Variants in DOCK9 observed in about 807,000 individuals in gnomAD.
DOCK9 encodes dedicator of cytokinesis 9.
Under a neutral mutation model 263.3 loss-of-function variants are expected in DOCK9, and 89 were observed. The observed-to-expected ratio is 0.34, with a 90% CI of 0.28 to 0.40. The LOEUF (loss-of-function observed/expected upper bound fraction) is 0.40. DOCK9 is among the 10% of genes least tolerant of loss of function. DOCK9 has a pLI of 1.00. For missense variants in DOCK9, 2,140 were observed against 2,603.4 expected (o/e 0.82, Z 3.87); for synonymous variants, 976 against 973.1 (o/e 1.00, Z -0.06).
chr13:98,854,623 T>A (rs2093657873), intron 34 of DOCK9: 1 of 152,160 alleles, frequency 6.6e-6, no homozygotes, highest in South Asian at 2.1e-4. Context: ...AAAGGTGGAA[T>A]CATTAGAAGG....
intron 1 of DOCK9, among the ~76,000 whole-genome samples, chr13:99,015,267 G>C (rs1485211173): frequency 1.3e-5 from 2 of 152,120 alleles, no homozygotes; most frequent in African/African-American, 4.8e-5. Context: ...TGAATACATG[G>C]CATTCTCACA....
At chr13:98,922,337 C>T (rs748923965) in intron 5 of DOCK9, among the ~76,000 whole-genome samples, 191 bp from the exon 6 acceptor site, 1 of 152,188 alleles carries the variant, frequency 6.6e-6, no homozygotes, top group Non-Finnish European at 1.5e-5. Context: ...AGAGACCCGC[C>T]TACATTTCTG....
chr13:98,882,618 C>A (rs2044988050), intron 23 of DOCK9, among the ~76,000 whole-genome samples: 1 of 148,338 alleles, frequency 6.7e-6, no homozygotes, highest in Non-Finnish European at 1.5e-5. Context: ...AAAGCTGGGA[C>A]TGGTTCTGTG....
chr13:98,882,244 G>A (rs2044896385), intron 23 of DOCK9, among the ~76,000 whole-genome samples: 1 of 152,036 alleles, frequency 6.6e-6, no homozygotes, highest in Admixed American at 6.5e-5. Context: ...TTATCCAGGT[G>A]TGCCCATGGA....
At chr13:99,072,834 C>CA (rs1209532632) in intron 1 of DOCK9, among the ~76,000 whole-genome samples, 1 of 151,954 alleles carries the variant, frequency 6.6e-6, no homozygotes. Context: ...TCCATCTCTA[C>CA]AAAAAATACA....
In DOCK9 at chr13:98,825,822, C is replaced by T. The variant is rs555742838; in HGVS notation, c.5023+1008G>A. On this transcript the variant is annotated intron_variant, in intron 44 of 52. Coordinates refer to ENST00000682017, the MANE Select transcript of DOCK9 (RefSeq NM_001366683.2). The surrounding 1 kb of genome is among the most constrained non-coding windows in gnomAD (Gnocchi z 4.1). Reference sequence around the variant, plus strand: ...GCAAATCCCCCACCACGGGAGGGCACGTGACCAGGGCAGGGGGTCCCCGGG... The same window carrying T: ...GCAAATCCCCCACCACGGGAGGGCATGTGACCAGGGCAGGGGGTCCCCGGG... 6.1e-6 allele frequency: 8 copies of T among 1,303,448 alleles called. No homozygotes were observed. The highest frequency in any genetic ancestry group is 6.4e-5 in the Admixed American group (2 of 31,164). 80.7% of individuals were successfully genotyped at this position (1,303,448 alleles called of 1,614,324 possible). A position where few individuals can be genotyped will look rare whatever the true frequency, so the allele number is the denominator to read the frequency against.
intron 45 of DOCK9, among the ~76,000 whole-genome samples, chr13:98,813,541 C>T (rs1473456761): frequency 2.6e-5 from 4 of 152,140 alleles, no homozygotes; most frequent in Non-Finnish European, 5.9e-5. Flanking sequence ...AATGCAGAGC[C>T]AGCTATGCAC....
At chr13:99,078,724 A>G (rs7991995) in intron 1 of DOCK9, among the ~76,000 whole-genome samples, 5,708 of 152,350 alleles carry the variant, frequency 0.037, 132 homozygotes, top group Middle Eastern at 0.1. Flanking sequence ...CAGAAGCTCA[A>G]ATATACAACA....
At chr13:98,974,535 G>C (rs2060029703) in intron 1 of DOCK9, among the ~76,000 whole-genome samples, 1 of 151,784 alleles carries the variant, frequency 6.6e-6, no homozygotes, top group Non-Finnish European at 1.5e-5. Flanking sequence ...GGATCACCTG[G>C]GGTCAGGAGT....
rs1426815803 is a variant in DOCK9 at position 98,800,477 on chromosome 13, G to A, written c.5727C>T (p.Ala1909=). Residue 1909 remains alanine (A), a splice_region_variant and synonymous_variant, in exon 50 of 53, where the codon GCC becomes GCT. Transcript: ENST00000682017. ...TCTTCACATAAGGGAAGCAGTGTATGGCTGCAGAGGGTAAGCCCCAGAATT... is the reference window on the plus strand; with the variant it reads ...TCTTCACATAAGGGAAGCAGTGTATAGCTGCAGAGGGTAAGCCCCAGAATT... ...EQCKRRTILT[A]IHCFPYVKKR... The A allele has an allele frequency of 6.2e-7, 1 of 1,613,496 alleles. No homozygotes were observed. Among genetic ancestry groups the A allele is most frequent in the African/African-American group, 1.3e-5 (1 of 74,920 alleles).
chr13:98,871,168 C>T (rs1388952353), intron 27 of DOCK9, among the ~76,000 whole-genome samples: 1 of 152,092 alleles, frequency 6.6e-6, no homozygotes, highest in East Asian at 1.9e-4. Flanking sequence ...AGATGACATG[C>T]TAAAAGTGTC....
At chr13:98,961,706 C>A (rs2141124643) in intron 1 of DOCK9, among the ~76,000 whole-genome samples, 1 of 152,272 alleles carries the variant, frequency 6.6e-6, no homozygotes, top group South Asian at 2.1e-4. Flanking sequence ...GTTATCTTTG[C>A]CACCCTCAGC....
intron 1 of DOCK9, among the ~76,000 whole-genome samples, chr13:99,019,930 A>C (rs1178264412): frequency 1.3e-5 from 2 of 152,058 alleles, no homozygotes; most frequent in Non-Finnish European, 2.9e-5. Flanking sequence ...ATGAAACCCC[A>C]ATCCTACTAA....
intron 1 of DOCK9, among the ~76,000 whole-genome samples, chr13:98,969,951 G>A (rs780103814): frequency 6.6e-6 from 1 of 152,206 alleles, no homozygotes; most frequent in Non-Finnish European, 1.5e-5. Context: ...AGTCAGAGAA[G>A]ACTTTTAAGC....
At chr13:98,936,194 AC>A (rs35733310) in intron 2 of DOCK9, among the ~76,000 whole-genome samples, 2 of 151,856 alleles carry the variant, frequency 1.3e-5, no homozygotes, top group African/African-American at 4.8e-5. Flanking sequence ...CTTATAAACC[AC>A]CCCGAGACCT....
chr13:98,900,632 C>T (rs1444823833), intron 13 of DOCK9, among the ~76,000 whole-genome samples: 1 of 152,188 alleles, frequency 6.6e-6, no homozygotes, highest in African/African-American at 2.4e-5. Flanking sequence ...AGCACTGACT[C>T]ATACATGATC....
At chr13:98,805,249 G>T in intron 48 of DOCK9, 40 bp from the exon 49 acceptor site, 1 of 1,507,748 alleles carries the variant, frequency 6.6e-7, no homozygotes, top group Non-Finnish European at 9.0e-7. Flanking sequence ...GGTGCTCCAT[G>T]AAGGAATCAC....
chr13:98,887,398 C>G (rs2045931226), intron 18 of DOCK9, among the ~76,000 whole-genome samples: 1 of 150,768 alleles, frequency 6.6e-6, no homozygotes, highest in Non-Finnish European at 1.5e-5. Context: ...GGGCAGATCA[C>G]ACGGTCAGGA....
intron 52 of DOCK9, among the ~76,000 whole-genome samples, chr13:98,796,368 G>A (rs1027034903): frequency 3.9e-5 from 6 of 152,112 alleles, no homozygotes; most frequent in Admixed American, 1.3e-4. Context: ...ACTGAAGGAC[G>A]ATAATGGAGG....
Sources: gnomAD v4.1 joint callset for allele counts (sites outside exome capture counted in the v4.1 genomes callset) on GRCh38, gnomAD v4.1.1 for gene constraint, Gnocchi (gnomAD v3.1) non-coding constraint, MANE v1.5 for transcripts, NCBI Gene and HGNC (gene_info 2026-07-23, HGNC 2026-07-21) for gene names.